The following VCPIP1 variants were observed in gnomAD, a reference collection of about 807,000 sequenced individuals.
VCPIP1 encodes the protein valosin containing protein interacting protein 1, also known as deubiquitinating protein VCPIP1.
Under a neutral mutation model 85.0 loss-of-function variants are expected in VCPIP1, and 8 were observed. The observed-to-expected ratio is 0.09, with a 90% CI of 0.06 to 0.17. VCPIP1 has a LOEUF of 0.17. Ranked by LOEUF, VCPIP1 falls within the 10% of genes least tolerant of loss-of-function variation. The pLI is 1.00. For synonymous variants in VCPIP1, 543 were observed against 544.5 expected (o/e 1.00, Z 0.04); for missense variants, 1,070 against 1,486.3 (o/e 0.72, Z 4.61).
chr8:66,667,168 G>C lies in VCPIP1; in HGVS notation c.-210C>G, dbSNP rs188316030. ...CACTGCCGTAGCCGTTGCCCCGAAC[G>C]TAACGGCCACCACCCCACCCCGCAC... On this transcript the variant is annotated 5_prime_UTR_variant, in exon 1 of 3. Transcript: ENST00000310421. 1.8e-3 allele frequency: 2,008 copies of C among 1,124,866 alleles called. 6 individuals carry two copies. Among genetic ancestry groups the C allele is most frequent in the Non-Finnish European group, 2.2e-3 (1,875 of 838,836 alleles). The allele number at this position is 1,124,866 out of a possible 1,614,324, so 69.7% of individuals were successfully genotyped here.
rs756493683 is a variant in VCPIP1 at position 66,666,158 on chromosome 8, C to T, written c.801G>A (p.Glu267=). The T allele has an allele frequency of 6.2e-7, 1 of 1,614,172 alleles. No homozygotes were observed. Among genetic ancestry groups the T allele is most frequent in the South Asian group, 1.1e-5 (1 of 91,088 alleles). ...FHDFIDAAEW[E]DIINECDPLF... ...GAGGGTCACACTCATTGATAATGTC[C>T]TCCCACTCAGCAGCATCAATGAAGT... The change falls in exon 1 of 3, where the codon GAG becomes GAA. Residue 267 remains glutamate (E), a synonymous_variant. Transcript: ENST00000310421. This position sits in a 1 kb window ranked among gnomAD's most constrained non-coding sequence, Gnocchi z 6.3.
intron 2 of VCPIP1, among the ~76,000 whole-genome samples, chr8:66,645,860 G>A (rs573401541): frequency 6.6e-6 from 1 of 152,100 alleles, no homozygotes; most frequent in Admixed American, 6.6e-5. Flanking sequence ...AGCCAGGTAG[G>A]TCAACGATGC....
Position 66,654,047 on chromosome 8 carries a change from C to T in VCPIP1, c.2711-2503G>A, listed in dbSNP as rs566015019. ...GTTTCATTAACTCATCACAACTAAG[C>T]TCTACAGACAAGGAAACAAGCTCAG... On this transcript the variant is annotated intron_variant, in intron 1 of 2. Coordinates refer to ENST00000310421, the MANE Select transcript of VCPIP1 (RefSeq NM_025054.5). Among the ~76,000 whole-genome samples, 85 of 152,278 alleles carry T rather than the reference C, an allele frequency of 5.6e-4. 2 individuals are homozygous for T. In the South Asian group the frequency reaches 7.0e-3, roughly 13 times the overall value.
chr8:66,664,259 T>C lies in VCPIP1; in HGVS notation c.2700A>G (p.Ala900=), dbSNP rs1444217123. ...TTAAATTCATCTTACCCATTAATGT[T>C]GCTAAAAGACACAAGGAGTACATTT... The part of the protein sequence containing the change: ...EKEMYSLCLL[A]TLMGEDVWSY... The change falls in exon 1 of 3, where the codon GCA becomes GCG. Residue 900 remains alanine (A), a synonymous_variant. Coordinates refer to ENST00000310421, the MANE Select transcript of VCPIP1 (RefSeq NM_025054.5). The C allele has an allele frequency of 1.3e-6, 2 of 1,569,924 alleles. No homozygotes were observed. The highest frequency in any genetic ancestry group is 1.7e-6 in the Non-Finnish European group (2 of 1,154,946).
Position 66,666,474 on chromosome 8 carries a change from A to T in VCPIP1, c.485T>A (p.Leu162Ter). 6.2e-7 allele frequency: 1 copy of T among 1,614,164 alleles called. No homozygotes were observed. Among genetic ancestry groups the T allele is most frequent in the Non-Finnish European group, 8.5e-7 (1 of 1,180,024 alleles). ...MNQGELFDCA[L>*]LGDRAFLIEP... ...TATGAGGAAGGCGCGGTCACCCAGT[A>T]AGGCGCAATCGAACAGTTCGCCCTG... The change falls in exon 1 of 3, where the codon TTA (leucine) becomes TAA (stop). Residue 162 changes from leucine to a stop codon, truncating the protein, a stop_gained. Transcript: ENST00000310421. LOFTEE classifies it high-confidence loss of function. The surrounding 1 kb of genome is among the most constrained non-coding windows in gnomAD (Gnocchi z 6.3).
chr8:66,643,278 A>G (rs2130156123), intron 2 of VCPIP1, among the ~76,000 whole-genome samples: 1 of 152,030 alleles, frequency 6.6e-6, no homozygotes, highest in South Asian at 2.1e-4. Context: ...AGCTGAGATC[A>G]CGGCACTGCA....
At chr8:66,644,347 A>G (rs2130157637) in intron 2 of VCPIP1, among the ~76,000 whole-genome samples, 1 of 152,334 alleles carries the variant, frequency 6.6e-6, no homozygotes, top group African/African-American at 2.4e-5. Flanking sequence ...AATATTAGCA[A>G]ATTAAATCCA....
chr8:66,654,703 T>C (rs1811083140), intron 1 of VCPIP1, among the ~76,000 whole-genome samples: 1 of 152,332 alleles, frequency 6.6e-6, no homozygotes, highest in South Asian at 2.1e-4. Flanking sequence ...CACTCTCCTA[T>C]GGCTCTCCAC....
Position 66,634,823 on chromosome 8 carries a change from A to G in VCPIP1, c.3347T>C (p.Ile1116Thr). Residue 1116 changes from isoleucine (I) to threonine (T), a missense_variant, in exon 3 of 3, where the codon ATT (isoleucine) becomes ACT (threonine). Ile to Thr is a moderately conservative substitution (Grantham distance 89). Around this residue, in one of 8 missense-constraint regions of VCPIP1, gnomAD observed 255 missense variants for 289.5 expected, o/e 0.88. Transcript: ENST00000310421. ...RKKLQEMVSS[I>T]QASMDRHLRD... ...AAGGTGCCTGTCCATTGAAGCCTGAATAGAAGAAACCATTTCCTGCAATTT... is the reference window on the plus strand; with the variant it reads ...AAGGTGCCTGTCCATTGAAGCCTGAGTAGAAGAAACCATTTCCTGCAATTT... 1 of 1,614,212 alleles carries G rather than the reference A, an allele frequency of 6.2e-7. No homozygotes were observed. Among genetic ancestry groups the G allele is most frequent in the Non-Finnish European group, 8.5e-7 (1 of 1,180,040 alleles).
chr8:66,652,797 A>C (rs1013904538), intron 1 of VCPIP1, among the ~76,000 whole-genome samples: 2 of 152,258 alleles, frequency 1.3e-5, no homozygotes, highest in Non-Finnish European at 2.9e-5. Context: ...TGGCAGGAAC[A>C]TAACAGTTAC....
At chr8:66,663,090 C>G (rs1057228478) in intron 1 of VCPIP1, among the ~76,000 whole-genome samples, 1 of 130,948 alleles carries the variant, frequency 7.6e-6, no homozygotes, top group Non-Finnish European at 1.6e-5. Flanking sequence ...GGAGACAGAG[C>G]AAGACTCCAT....
intron 2 of VCPIP1, among the ~76,000 whole-genome samples, chr8:66,645,978 C>T (rs994160025): frequency 1.3e-5 from 2 of 151,734 alleles, no homozygotes; most frequent in Non-Finnish European, 2.9e-5. Context: ...TCAAAAGACT[C>T]GTTGTCAAGA....
At chr8:66,642,332 A>C (rs1009881510) in intron 2 of VCPIP1, among the ~76,000 whole-genome samples, 1 of 152,194 alleles carries the variant, frequency 6.6e-6, no homozygotes, top group Non-Finnish European at 1.5e-5. Context: ...TTCTAGATAC[A>C]AATCCATTCT....
chr8:66,636,739 A>G (rs911709035), intron 2 of VCPIP1, among the ~76,000 whole-genome samples: 3 of 151,036 alleles, frequency 2.0e-5, no homozygotes, highest in Non-Finnish European at 2.9e-5. Flanking sequence ...ACAAGACTCC[A>G]TCTAAAAAAA....
chr8:66,666,455 G>A lies in VCPIP1; in HGVS notation c.504C>T (p.Phe168=), dbSNP rs1458033149. Residue 168 remains phenylalanine, a synonymous_variant, in exon 1 of 3, where the codon TTC becomes TTT. Coordinates refer to ENST00000310421, the MANE Select transcript of VCPIP1 (RefSeq NM_025054.5). The surrounding 1 kb of genome is among the most constrained non-coding windows in gnomAD (Gnocchi z 6.3). ...TGTTAACATGCTCTGGTTCTATGAG[G>A]AAGGCGCGGTCACCCAGTAAGGCGC... The part of the protein sequence containing the change: ...FDCALLGDRA[F]LIEPEHVNTV... The A allele has an allele frequency of 6.2e-7, 1 of 1,614,070 alleles. No individual in the cohort carries two copies. The highest frequency in any genetic ancestry group is 1.3e-5 in the African/African-American group (1 of 74,920).
In VCPIP1 at chr8:66,634,612, G is replaced by A; in HGVS notation, c.3558C>T (p.Ala1186=). 6.2e-7 allele frequency: 1 copy of A among 1,614,158 alleles called. No homozygotes were observed. The highest frequency in any genetic ancestry group is 8.5e-7 in the Non-Finnish European group (1 of 1,180,022). The part of the protein sequence containing the change: ...DGCVADALGA[A]FATRSKAQRG... ...TTTGTGCTTTTGACCTTGTGGCAAAGGCTGCTCCCAGTGCATCTGCTACAC... is the reference window on the plus strand; with the variant it reads ...TTTGTGCTTTTGACCTTGTGGCAAAAGCTGCTCCCAGTGCATCTGCTACAC... Residue 1186 remains alanine (A), a synonymous_variant, in exon 3 of 3, where the codon GCC becomes GCT. Transcript: ENST00000310421.
In VCPIP1 at chr8:66,664,399, T is replaced by C. The variant is rs1259157760; in HGVS notation, c.2560A>G (p.Lys854Glu). The C allele has an allele frequency of 6.2e-7, 1 of 1,613,730 alleles. No individual in the cohort carries two copies. The highest frequency in any genetic ancestry group is 2.2e-5 in the East Asian group (1 of 44,882). The part of the protein sequence containing the change: ...DRITIEILKS[K>E]AEGGQSAAAH... ...GCAGCAGACTGACCACCTTCAGCTT[T>C]ACTTTTTAGAATTTCTATTGTAATT... Residue 854 changes from lysine (K) to glutamate (E), a missense_variant, in exon 1 of 3, where the codon AAA (lysine) becomes GAA (glutamate). Physicochemically the swap from Lys to Glu is moderately conservative, Grantham distance 56. Around this residue, in one of 8 missense-constraint regions of VCPIP1, gnomAD observed 278 missense variants for 298.5 expected, o/e 0.93. Coordinates refer to ENST00000310421, the MANE Select transcript of VCPIP1 (RefSeq NM_025054.5).
At chr8:66,643,665 T>A (rs1478028550) in intron 2 of VCPIP1, among the ~76,000 whole-genome samples, 1 of 151,620 alleles carries the variant, frequency 6.6e-6, no homozygotes, top group East Asian at 1.9e-4. Context: ...ATTGCACCAC[T>A]GCACTCCAGC....
In VCPIP1 at chr8:66,635,037, C is replaced by T. The variant is rs140247579; in HGVS notation, c.3133G>A (p.Ala1045Thr). The T allele has an allele frequency of 6.2e-7, 1 of 1,613,682 alleles. No homozygotes were observed. Among genetic ancestry groups the T allele is most frequent in the Admixed American group, 1.7e-5 (1 of 59,962 alleles). ...ASGNPHLDPRARETSVVRKHN... is the reference protein window; with the variant it reads ...ASGNPHLDPRTRETSVVRKHN... ...TTTCTTACAACTGAAGTTTCCCTAG[C>T]TCTTGGATCAAGGTGTGGGTTACCA... The change falls in exon 3 of 3, where the codon GCT becomes ACT. Residue 1045 changes from alanine to threonine, a missense_variant. Physicochemically the swap from Ala to Thr is moderately conservative, Grantham distance 58. Transcript: ENST00000310421.
Sources: gnomAD v4.1 joint callset for allele counts (sites outside exome capture counted in the v4.1 genomes callset) on GRCh38, gnomAD v4.1.1 for gene constraint, gnomAD v4.1.1 regional missense constraint, Gnocchi (gnomAD v3.1) non-coding constraint, MANE v1.5 for transcripts, NCBI Gene and HGNC (gene_info 2026-07-23, HGNC 2026-07-21) for gene names.